The following CNBD1 variants were observed in gnomAD, a reference collection of about 807,000 sequenced individuals.
CNBD1 encodes the protein cyclic nucleotide-binding domain-containing protein 1.
CNBD1 carries 71 observed loss-of-function variants against 54.4 expected under a neutral mutation model. The observed-to-expected ratio is 1.30, with a 90% CI of 1.08 to 1.59. The LOEUF (loss-of-function observed/expected upper bound fraction) is 1.59. CNBD1 is among the 40% of genes most tolerant of loss of function. CNBD1 has a pLI of 0.00. For missense variants in CNBD1, 659 were observed against 518.0 expected (o/e 1.27, Z -2.64); for synonymous variants, 182 against 170.7 (o/e 1.07, Z -0.51).
At chr8:87,124,859 TTGTC>T (rs1811960591) in intron 4 of CNBD1, among the ~76,000 whole-genome samples, 1 of 151,720 alleles carries the variant, frequency 6.6e-6, no homozygotes, top group Non-Finnish European at 1.5e-5. Flanking sequence ...AGAAGTAAAA[TTGTC>T]TGTATTTGTT....
intron 5 of CNBD1, among the ~76,000 whole-genome samples, chr8:87,210,269 G>A (rs886560982): frequency 3.3e-5 from 5 of 152,188 alleles, no homozygotes; most frequent in Non-Finnish European, 5.9e-5. Context: ...GGAAAGCAGA[G>A]CATGAGAGTT....
intron 10 of CNBD1, among the ~76,000 whole-genome samples, chr8:87,367,182 C>T (rs1489547325): frequency 6.6e-6 from 1 of 152,052 alleles, no homozygotes; most frequent in South Asian, 2.1e-4. Context: ...TTTGTCCTGA[C>T]AAACTTTGAG....
At chr8:87,334,877 C>G (rs1158904239) in intron 8 of CNBD1, among the ~76,000 whole-genome samples, 1 of 151,994 alleles carries the variant, frequency 6.6e-6, no homozygotes, top group Admixed American at 6.6e-5. Context: ...GTGCCCACCA[C>G]CATGCCCAGC....
intron 8 of CNBD1, among the ~76,000 whole-genome samples, chr8:87,328,760 T>C (rs1809748353): frequency 6.6e-6 from 1 of 152,168 alleles, no homozygotes; most frequent in Non-Finnish European, 1.5e-5. Flanking sequence ...TTTATTTATT[T>C]ATGCCCTCTT....
intron 6 of CNBD1, among the ~76,000 whole-genome samples, chr8:87,242,749 T>C (rs1199181177): frequency 6.6e-6 from 1 of 152,244 alleles, no homozygotes; most frequent in Non-Finnish European, 1.5e-5. Flanking sequence ...CAGTCATTTA[T>C]ATTTGGCTCA....
At position 87,376,341 on chromosome 8, in the gene CNBD1, C is replaced by G. The variant is rs1247125343; in HGVS notation, c.1304-6279C>G. 3.3e-5 allele frequency among the ~76,000 whole-genome samples: 5 copies of G among 151,860 alleles called. No individual in the cohort carries two copies. In the East Asian group the frequency reaches 9.8e-4, roughly 30 times the overall value. ...TTCTCACATGGCTGAGAATAGAGAG[C>G]AAGCTCTGACAAGGGTACTAATTCC... is the stretch of plus-strand genomic sequence containing the variant. On this transcript the variant is annotated intron_variant, in intron 10 of 10. Coordinates refer to ENST00000518476, the MANE Select transcript of CNBD1 (RefSeq NM_173538.3).
At chr8:87,092,454 CATAT>C (rs1286223905) in intron 4 of CNBD1, among the ~76,000 whole-genome samples, 17 of 126,164 alleles carry the variant, frequency 1.3e-4, no homozygotes, top group African/African-American at 5.0e-4. Context: ...TATATATACA[CATAT>C]GTGTGTGTGT....
At chr8:86,978,629 G>A (rs372243502) in intron 4 of CNBD1, among the ~76,000 whole-genome samples, 5 of 133,964 alleles carry the variant, frequency 3.7e-5, no homozygotes, top group South Asian at 2.5e-4. Flanking sequence ...TGCAACCTCC[G>A]CATCCCGGGT....
chr8:86,967,181 G>T (rs555650553), intron 4 of CNBD1, among the ~76,000 whole-genome samples: 2 of 152,298 alleles, frequency 1.3e-5, no homozygotes, highest in Non-Finnish European at 2.9e-5. Flanking sequence ...AGTGCGTGTG[G>T]GGGGTCCTTC....
chr8:86,888,862 T>A (rs925084550), intron 2 of CNBD1, among the ~76,000 whole-genome samples: 1 of 152,114 alleles, frequency 6.6e-6, no homozygotes, highest in South Asian at 2.1e-4. Flanking sequence ...ACTTCTAGTT[T>A]TTTTTTCTCT....
At chr8:86,868,001 T>A (rs1257430700) in intron 1 of CNBD1, among the ~76,000 whole-genome samples, 1 of 152,198 alleles carries the variant, frequency 6.6e-6, no homozygotes, top group African/African-American at 2.4e-5. Context: ...AACTTCTCTT[T>A]GAGGACGTGC....
Position 87,388,225 on chromosome 8 carries a change from G to C in CNBD1, c.213+34439G>C, listed in dbSNP as rs550033734. Among the ~76,000 whole-genome samples, 57 of 152,050 alleles carry C rather than the reference G, an allele frequency of 3.7e-4. No homozygotes were observed. In the Middle Eastern group the frequency reaches 0.017, roughly 45 times the overall value. ...AAGCAAGAGAAAACACATTCAAAAG[G>C]TAGCAGAAGGCAAGAAATAACTAAA... On this transcript the variant is annotated intron_variant, in intron 2 of 7. Transcript: ENST00000521593.
At chr8:87,427,074 G>A (rs1199660327) in intron 2 of CNBD1, among the ~76,000 whole-genome samples, 1 of 152,040 alleles carries the variant, frequency 6.6e-6, no homozygotes, top group Non-Finnish European at 1.5e-5. Context: ...ATAATGGAAG[G>A]GAAAACAAAG....
chr8:87,336,342 G>T (rs779855467), intron 8 of CNBD1, among the ~76,000 whole-genome samples: 1 of 152,022 alleles, frequency 6.6e-6, no homozygotes, highest in African/African-American at 2.4e-5. Context: ...CCAGTTAGTT[G>T]TAGGTTCAGT....
At chr8:87,156,310 T>A (rs1812740590) in intron 4 of CNBD1, among the ~76,000 whole-genome samples, 1 of 148,628 alleles carries the variant, frequency 6.7e-6, no homozygotes, top group Non-Finnish European at 1.5e-5. Context: ...GCTGCTATGA[T>A]CTCTACTTAC....
intron 4 of CNBD1, among the ~76,000 whole-genome samples, chr8:87,142,639 A>G (rs1408216780): frequency 6.6e-6 from 1 of 152,212 alleles, no homozygotes; most frequent in Non-Finnish European, 1.5e-5. Flanking sequence ...GCAAAAGTGT[A>G]CATTGTGTCT....
chr8:87,322,221 G>T lies in CNBD1; in HGVS notation c.1043-29464G>T, dbSNP rs1259293512. 1.6e-5 allele frequency among the ~76,000 whole-genome samples: 2 copies of T among 122,600 alleles called. 1 individual carries two copies. Among genetic ancestry groups the T allele is most frequent in the African/African-American group, 6.1e-5 (2 of 32,576 alleles). The allele number at this position is 122,600 out of a possible 152,430, so 80.4% of individuals were successfully genotyped here. Reference sequence around the variant, plus strand: ...TCTATCATTGTTGGACATTTGGGTTGTTTCCAAGTCTTTGCTATTGTGAAT... The same window carrying T: ...TCTATCATTGTTGGACATTTGGGTTTTTTCCAAGTCTTTGCTATTGTGAAT... On this transcript the variant is annotated intron_variant, in intron 8 of 10. Transcript: ENST00000518476.
chr8:86,914,180 A>G (rs1314025874), intron 3 of CNBD1, among the ~76,000 whole-genome samples: 1 of 152,178 alleles, frequency 6.6e-6, no homozygotes, highest in Admixed American at 6.5e-5. Flanking sequence ...GGCGACATAC[A>G]TCCTCCTCAG....
intron 6 of CNBD1, among the ~76,000 whole-genome samples, chr8:87,250,923 G>T (rs2130839027): frequency 1.3e-5 from 2 of 152,194 alleles, no homozygotes; most frequent in African/African-American, 4.8e-5. Flanking sequence ...GCACAATAGG[G>T]TGACTATAAT....
Sources: allele counts gnomAD v4.1 joint callset (sites outside exome capture counted in the v4.1 genomes callset), GRCh38; gene constraint gnomAD v4.1.1; transcripts MANE v1.5; gene names NCBI Gene and HGNC (gene_info 2026-07-23, HGNC 2026-07-21).